Variants in SSBP3 observed in about 807,000 individuals in gnomAD.
The protein encoded by SSBP3 is single stranded DNA binding protein 3, also known as single-stranded DNA-binding protein 3.
A neutral mutation model predicts 69.6 loss-of-function variants in SSBP3; 5 were observed. The observed-to-expected ratio is 0.07, with a 90% CI of 0.04 to 0.15. The LOEUF (loss-of-function observed/expected upper bound fraction) is 0.15. Among genes scored for constraint, SSBP3 ranks in the 10% least tolerant of loss-of-function variants. The pLI, the probability that SSBP3 is intolerant of heterozygous loss-of-function variation, is 1.00. For missense variants in SSBP3, 312 were observed against 534.0 expected, an observed-to-expected ratio of 0.58 and a Z score of 4.10; for synonymous variants, 196 against 193.4, an observed-to-expected ratio of 1.01 and a Z score of -0.11.
At chr1:54,325,027 G>A (rs1433899436) in intron 4 of SSBP3, among the ~76,000 whole-genome samples, 1 of 152,224 alleles carries the variant, frequency 6.6e-6, no homozygotes, top group Non-Finnish European at 1.5e-5. Flanking sequence ...CTGGACCTAT[G>A]TTCTCTGGCT....
chr1:54,350,843 CTTT>C (rs1250798632), intron 4 of SSBP3, among the ~76,000 whole-genome samples: 2 of 148,508 alleles, frequency 1.3e-5, no homozygotes, highest in Non-Finnish European at 3.0e-5. Context: ...TTCTCAGATG[CTTT>C]TTTTTTTGAG....
chr1:54,307,392 C>T (rs1308684968), intron 4 of SSBP3, among the ~76,000 whole-genome samples: 1 of 152,130 alleles, frequency 6.6e-6, no homozygotes, highest in African/African-American at 2.4e-5. Flanking sequence ...TCCCCTAGCC[C>T]GGGCCAGGAC....
At chr1:54,295,900 T>C (rs1384483440) in intron 4 of SSBP3, among the ~76,000 whole-genome samples, 1 of 152,202 alleles carries the variant, frequency 6.6e-6, no homozygotes, top group Admixed American at 6.5e-5. Flanking sequence ...CCTCCAATCC[T>C]ATATGAGACT....
chr1:54,317,166 G>A (rs1365199805), intron 4 of SSBP3, among the ~76,000 whole-genome samples: 2 of 152,160 alleles, frequency 1.3e-5, no homozygotes, highest in African/African-American at 4.8e-5. Context: ...AGGACAGGAA[G>A]GAATCGCCAA....
At position 54,258,332 on chromosome 1, in the gene SSBP3, C is replaced by A. The variant is rs987516567; in HGVS notation, c.367-183G>T. Among the ~76,000 whole-genome samples, 7 of 152,158 alleles carry A rather than the reference C, an allele frequency of 4.6e-5. No individual in the cohort carries two copies. Among genetic ancestry groups the A allele is most frequent in the African/African-American group, 1.7e-4 (7 of 41,410 alleles). On this transcript the variant is annotated intron_variant, in intron 5 of 17. Coordinates refer to ENST00000610401, the Ensembl canonical transcript of SSBP3. The surrounding 1 kb of genome is among the most constrained non-coding windows in gnomAD (Gnocchi z 4.5). Reference sequence around the variant, plus strand: ...TGGTCGCCGGCTCAACGGTGTAAAACGGCGAGCGGGAGCGAGAGAAGCTGA... The same window carrying A: ...TGGTCGCCGGCTCAACGGTGTAAAAAGGCGAGCGGGAGCGAGAGAAGCTGA...
In SSBP3 at chr1:54,243,293, C is replaced by T. The variant is rs201677467; in HGVS notation, c.658G>A (p.Gly220Ser). 5.6e-5 allele frequency: 90 copies of T among 1,613,924 alleles called. 1 individual carries two copies. The East Asian group carries it at 1.8e-3, about 32-fold the overall frequency. Residue 220 changes from glycine (G) to serine (S), a missense_variant, in exon 10 of 18, where the codon GGC becomes AGC. Physicochemically the swap from Gly to Ser is moderately conservative, Grantham distance 56 (BLOSUM62 0). Transcript: ENST00000610401. Reference sequence around the variant, plus strand: ...TTGGGTGGTGGTCTCATGCCGCTGCCGTAATTCTGCAACGATAACCAAGGG... The same window carrying T: ...TTGGGTGGTGGTCTCATGCCGCTGCTGTAATTCTGCAACGATAACCAAGGG...
chr1:54,296,814 C>T (rs1645711810), intron 4 of SSBP3, among the ~76,000 whole-genome samples: 1 of 152,156 alleles, frequency 6.6e-6, no homozygotes, highest in South Asian at 2.1e-4. Context: ...CCCCTGGGGA[C>T]CAGCTGGGTA....
intron 9 of SSBP3, among the ~76,000 whole-genome samples, chr1:54,247,195 G>A (rs537334036): frequency 7.2e-5 from 11 of 152,382 alleles, no homozygotes; most frequent in Admixed American, 5.9e-4. Flanking sequence ...ATCCTCAGAA[G>A]GGCTTTCTAG....
chr1:54,243,417 G>A, intron 9 of SSBP3, 118 bp from the exon 10 acceptor site: 1 of 1,259,860 alleles, frequency 7.9e-7, no homozygotes. Context: ...GGATTGATGA[G>A]AAAAAATAAT....
At chr1:54,289,865 G>A (rs1645572837) in intron 4 of SSBP3, among the ~76,000 whole-genome samples, 1 of 152,020 alleles carries the variant, frequency 6.6e-6, no homozygotes, top group African/African-American at 2.4e-5. Context: ...GGATAGGGGG[G>A]CTCCCCCACA....
chr1:54,251,053 G>C (rs1048197938), intron 9 of SSBP3, among the ~76,000 whole-genome samples: 8 of 152,228 alleles, frequency 5.3e-5, no homozygotes, highest in Non-Finnish European at 7.3e-5. Flanking sequence ...CTGGGGTCCT[G>C]CCAGCGTGGC....
At chr1:54,253,976 G>C in intron 7 of SSBP3, among the ~76,000 whole-genome samples, 2 of 152,332 alleles carry the variant, frequency 1.3e-5, no homozygotes, top group South Asian at 4.1e-4. Flanking sequence ...TGGAGGTCGC[G>C]TCCCTCACTG....
intron 12 of SSBP3, 110 bp downstream of exon 12, chr1:54,241,364 C>G: frequency 8.1e-7 from 1 of 1,236,628 alleles, no homozygotes; most frequent in South Asian, 1.2e-5. Context: ...TTTGGAACCT[C>G]TGCTCAGAAG....
At chr1:54,242,042 G>C in intron 11 of SSBP3, 122 bp downstream of exon 11, 1 of 1,150,118 alleles carries the variant, frequency 8.7e-7, no homozygotes, top group Non-Finnish European at 1.3e-6. Flanking sequence ...CTCCCTAGAA[G>C]CATCAGGAGA....
intron 3 of SSBP3, 57 bp downstream of exon 3, chr1:54,404,519 T>C: frequency 1.2e-6 from 2 of 1,600,440 alleles, no homozygotes; most frequent in South Asian, 1.1e-5. Flanking sequence ...TTTGTTCACT[T>C]GGACCCAGGG....
chr1:54,309,497 A>C (rs1469401861), intron 4 of SSBP3, among the ~76,000 whole-genome samples: 1 of 152,232 alleles, frequency 6.6e-6, no homozygotes, highest in Non-Finnish European at 1.5e-5. Context: ...TATCTAGGGA[A>C]ACATTCCCCT....
chr1:54,407,003 AGC>A (rs1281352438), upstream of SSBP3, among the ~76,000 whole-genome samples: 1 of 151,104 alleles, frequency 6.6e-6, no homozygotes, highest in Admixed American at 6.6e-5. Flanking sequence ...CTGGCTTCCG[AGC>A]GCCGGGCCCG....
At chr1:54,366,287 G>A (rs768769139) in intron 4 of SSBP3, among the ~76,000 whole-genome samples, 27 of 152,110 alleles carry the variant, frequency 1.8e-4, no homozygotes, top group Non-Finnish European at 3.7e-4. Flanking sequence ...GCATGGAGGC[G>A]GAGTCCCCAG....
chr1:54,258,185 A>C lies in SSBP3; in HGVS notation c.367-36T>G. On this transcript the variant is annotated intron_variant, in intron 5 of 17. Coordinates refer to ENST00000610401, the Ensembl canonical transcript of SSBP3. This position sits in a 1 kb window ranked among gnomAD's most constrained non-coding sequence, Gnocchi z 4.5. ...AGACAGTAGAGGCAGGTTATAGATC[A>C]CAGCACATGGAGAAGCGCAGAAGCA... 8.6e-6 allele frequency: 13 copies of C among 1,510,236 alleles called. No homozygotes were observed. The highest frequency in any genetic ancestry group is 1.8e-4 in the Middle Eastern group (1 of 5,684). The allele number at this position is 1,510,236 out of a possible 1,614,324, so 93.6% of individuals were successfully genotyped here.
Sources: gnomAD v4.1 joint callset for allele counts (sites outside exome capture counted in the v4.1 genomes callset) on GRCh38, gnomAD v4.1.1 for gene constraint, Gnocchi (gnomAD v3.1) non-coding constraint, MANE v1.5 for transcripts, NCBI Gene and HGNC (gene_info 2026-07-23, HGNC 2026-07-21) for gene names.